SOCS5: variants seen among roughly 807,000 people sequenced by gnomAD.
SOCS5 encodes CIS-6.
Under a neutral mutation model 42.8 loss-of-function variants are expected in SOCS5, and 32 were observed. The observed-to-expected ratio is 0.75, with a 90% confidence interval of 0.56 to 1.01. The LOEUF (loss-of-function observed/expected upper bound fraction) is 1.01. SOCS5 is among the 50% of genes least tolerant of loss of function. The pLI is 0.00. For synonymous variants in SOCS5, 283 were observed against 229.6 expected, an observed-to-expected ratio of 1.23 and a Z score of -2.10; for missense variants, 627 against 653.0, an observed-to-expected ratio of 0.96 and a Z score of 0.43.
intron 1 of SOCS5, among the ~76,000 whole-genome samples, chr2:46,737,344 A>T (rs888158214): frequency 7.2e-5 from 11 of 152,230 alleles, no homozygotes; most frequent in Non-Finnish European, 1.5e-4. Context: ...AAGAAATGTT[A>T]TAGCTGTAGC....
At chr2:46,722,340 A>G (rs373008718) in intron 1 of SOCS5, among the ~76,000 whole-genome samples, 1 of 150,258 alleles carries the variant, frequency 6.7e-6, no homozygotes, top group South Asian at 2.1e-4. Flanking sequence ...GGGGAAAAAA[A>G]TCTGTCAACC....
intron 1 of SOCS5, among the ~76,000 whole-genome samples, chr2:46,753,935 G>A (rs1381798501): frequency 1.3e-5 from 2 of 152,090 alleles, no homozygotes; most frequent in Non-Finnish European, 2.9e-5. Context: ...AGGTCACTTC[G>A]GTTGTCATCT....
intron 1 of SOCS5, among the ~76,000 whole-genome samples, chr2:46,728,218 A>T (rs79790496): frequency 0.032 from 4,849 of 152,206 alleles, 128 homozygotes; most frequent in South Asian, 0.079. Context: ...TTGAATTTTG[A>T]TATTTTGCCA....
Position 46,758,917 on chromosome 2 carries a change from T to C in SOCS5, c.387T>C (p.Ser129=). 6.2e-7 allele frequency: 1 copy of C among 1,614,042 alleles called. No homozygotes were observed. The highest frequency in any genetic ancestry group is 8.5e-7 in the Non-Finnish European group (1 of 1,179,890). The change falls in exon 2 of 2, where the codon TCT becomes TCC. Residue 129 remains serine, a synonymous_variant. Coordinates refer to ENST00000394861, the MANE Select transcript of SOCS5 (RefSeq NM_144949.3). ...GTGGGAAGAAAAAACATTCCTGTTC[T>C]ACAAAGACCCAGAGTTCATTGGATG... is the stretch of plus-strand genomic sequence containing the variant. The part of the protein sequence containing the change: ...PWGGKKKHSC[S]TKTQSSLDAD...
At chr2:46,704,724 C>A (rs1033678614) in intron 1 of SOCS5, among the ~76,000 whole-genome samples, 2 of 152,164 alleles carry the variant, frequency 1.3e-5, no homozygotes, top group African/African-American at 4.8e-5. Context: ...TCCTTGGTTC[C>A]TGAAGCAGCT....
chr2:46,717,855 G>T (rs543294417), intron 1 of SOCS5, among the ~76,000 whole-genome samples: 36 of 152,180 alleles, frequency 2.4e-4, no homozygotes, highest in African/African-American at 8.7e-4. Context: ...TTAGGTAGTT[G>T]TTTGGTTCAT....
At position 46,763,092 on chromosome 2, in the gene SOCS5, T is replaced by A. The variant is rs1428117852; in HGVS notation, c.*2951T>A. 1 of 167,136 alleles carries A rather than the reference T, an allele frequency of 6.0e-6. No individual in the cohort carries two copies. Among genetic ancestry groups the A allele is most frequent in the Non-Finnish European group, 1.5e-5 (1 of 68,124 alleles). The allele number at this position is 167,136 out of a possible 1,614,324, so 10.4% of individuals were successfully genotyped here. A position where few individuals can be genotyped will look rare whatever the true frequency, so the allele number is the denominator to read the frequency against. On this transcript the variant is annotated 3_prime_UTR_variant, in exon 2 of 2. Coordinates refer to ENST00000394861, the MANE Select transcript of SOCS5 (RefSeq NM_144949.3). ...CACTAAAAGTTTAGCCTTGCTACTT[T>A]AGCCTTGTTTATAATACAGTCACCT...
At position 46,759,656 on chromosome 2, in the gene SOCS5, A is replaced by T; in HGVS notation, c.1126A>T (p.Ile376Phe). Reference protein sequence around the residue: ...IHCLVPDLLQITGNPCYWGVM... With the variant: ...IHCLVPDLLQFTGNPCYWGVM... ...CTGCCTCGTGCCTGATTTGCTTCAA[A>T]TTACAGGGAATCCCTGTTACTGGGG... Residue 376 changes from isoleucine to phenylalanine, a missense_variant, in exon 2 of 2, where the codon ATT becomes TTT. Coordinates refer to ENST00000394861, the MANE Select transcript of SOCS5 (RefSeq NM_144949.3). 6.2e-7 allele frequency: 1 copy of T among 1,614,110 alleles called. No homozygotes were observed. Among genetic ancestry groups the T allele is most frequent in the Non-Finnish European group, 8.5e-7 (1 of 1,179,980 alleles).
intron 1 of SOCS5, among the ~76,000 whole-genome samples, chr2:46,739,963 A>G (rs1169961620): frequency 6.6e-6 from 1 of 152,246 alleles, no homozygotes; most frequent in African/African-American, 2.4e-5. Flanking sequence ...CCTCTCTCAG[A>G]GAACTAAGGT....
intron 1 of SOCS5, among the ~76,000 whole-genome samples, chr2:46,739,373 G>A: frequency 6.6e-6 from 1 of 152,206 alleles, no homozygotes; most frequent in East Asian, 1.9e-4. Flanking sequence ...ACCTGAGGTG[G>A]TTGTTAGTAG....
intron 1 of SOCS5, among the ~76,000 whole-genome samples, chr2:46,708,842 G>C (rs1672551975): frequency 6.7e-6 from 1 of 149,886 alleles, no homozygotes. Flanking sequence ...TCTTTGGGCT[G>C]GTGAAGTGGT....
intron 1 of SOCS5, among the ~76,000 whole-genome samples, chr2:46,717,888 A>T (rs186529127): frequency 5.9e-5 from 9 of 152,170 alleles, no homozygotes; most frequent in Admixed American, 5.2e-4. Context: ...CTCTTTCCCT[A>T]GATGTTATTC....
chr2:46,730,959 G>T (rs894467827), intron 1 of SOCS5, among the ~76,000 whole-genome samples: 4 of 152,186 alleles, frequency 2.6e-5, no homozygotes, highest in Non-Finnish European at 5.9e-5. Context: ...GGGGTTTGGA[G>T]CACAGCAGGT....
At chr2:46,736,878 G>T (rs1267395795) in intron 1 of SOCS5, among the ~76,000 whole-genome samples, 1 of 151,034 alleles carries the variant, frequency 6.6e-6, no homozygotes, top group East Asian at 1.9e-4. Context: ...ATGTTTACTA[G>T]TTGGGCATCC....
chr2:46,735,188 A>C (rs1416232403), intron 1 of SOCS5, among the ~76,000 whole-genome samples: 1 of 152,242 alleles, frequency 6.6e-6, no homozygotes, highest in Non-Finnish European at 1.5e-5. Flanking sequence ...TTTGCAGTGT[A>C]GGGCTAAAAT....
At chr2:46,710,937 C>T (rs1236158216) in intron 1 of SOCS5, among the ~76,000 whole-genome samples, 1 of 152,172 alleles carries the variant, frequency 6.6e-6, no homozygotes, top group Non-Finnish European at 1.5e-5. Flanking sequence ...TGGAGTCATG[C>T]AGTATGTACT....
At chr2:46,724,690 T>C (rs1466535593) in intron 1 of SOCS5, among the ~76,000 whole-genome samples, 1 of 152,072 alleles carries the variant, frequency 6.6e-6, no homozygotes, top group African/African-American at 2.4e-5. Context: ...TTCTGTTATT[T>C]ATTTGTAATT....
At chr2:46,731,070 C>G (rs1283928452) in intron 1 of SOCS5, among the ~76,000 whole-genome samples, 1 of 152,154 alleles carries the variant, frequency 6.6e-6, no homozygotes, top group African/African-American at 2.4e-5. Flanking sequence ...AAGATGCGTA[C>G]CATCTGCTGG....
At chr2:46,749,237 T>A (rs17822668) in intron 1 of SOCS5, among the ~76,000 whole-genome samples, 10,272 of 152,286 alleles carry the variant, frequency 0.067, 376 homozygotes, top group Middle Eastern at 0.13. Flanking sequence ...CTCTCCCTAG[T>A]CATAAAACAG....
Sources: gnomAD v4.1 joint callset for allele counts (sites outside exome capture counted in the v4.1 genomes callset) on GRCh38, gnomAD v4.1.1 for gene constraint, MANE v1.5 for transcripts, NCBI Gene and HGNC (gene_info 2026-07-23, HGNC 2026-07-21) for gene names.